The following DYM variants were observed in gnomAD, a reference collection of about 807,000 sequenced individuals.
DYM encodes the protein dyggve-Melchior-Clausen syndrome protein.
Under a neutral mutation model 93.1 loss-of-function variants are expected in DYM, and 78 were observed. The ratio of observed to expected loss-of-function variants is 0.84; its 90% CI spans 0.70 to 1.01. DYM has a LOEUF of 1.01. Among genes scored for constraint, DYM ranks in the 50% least tolerant of loss-of-function variants. The pLI, the probability that DYM is intolerant of heterozygous loss-of-function variation, is 0.00. For missense variants in DYM, 789 were observed against 845.0 expected (o/e 0.93, Z 0.82); for synonymous variants, 321 against 319.7 (o/e 1.00, Z -0.04).
At chr18:49,218,455 T>C (rs1258144067) in intron 13 of DYM, among the ~76,000 whole-genome samples, 1 of 152,142 alleles carries the variant, frequency 6.6e-6, no homozygotes, top group African/African-American at 2.4e-5. Flanking sequence ...AATATACATT[T>C]TTTTCAGCAC....
intron 17 of DYM, among the ~76,000 whole-genome samples, chr18:49,055,549 A>G (rs1599395379): frequency 1.3e-5 from 2 of 152,352 alleles, no homozygotes; most frequent in South Asian, 4.1e-4. Flanking sequence ...GTCTTCAAAG[A>G]TGATGATACT....
chr18:49,422,313 G>A (rs897776877), intron 2 of DYM, among the ~76,000 whole-genome samples: 1 of 152,186 alleles, frequency 6.6e-6, no homozygotes, highest in African/African-American at 2.4e-5. Context: ...TCTCTCGGCA[G>A]AAACTCTACA....
At chr18:49,430,164 C>T (rs555326424) in intron 2 of DYM, 91 bp downstream of exon 2, 1 of 1,203,782 alleles carries the variant, frequency 8.3e-7, no homozygotes, top group Non-Finnish European at 1.2e-6. Context: ...GATAGATAGA[C>T]AGAACATTTC....
At chr18:49,228,857 A>C (rs1460179194) in intron 13 of DYM, among the ~76,000 whole-genome samples, 1 of 152,148 alleles carries the variant, frequency 6.6e-6, no homozygotes, top group Non-Finnish European at 1.5e-5. Context: ...CATTCCTAGA[A>C]GGTGAAAACT....
At chr18:49,218,141 G>A (rs551460362) in intron 13 of DYM, among the ~76,000 whole-genome samples, 73 of 152,152 alleles carry the variant, frequency 4.8e-4, no homozygotes, top group Non-Finnish European at 7.2e-4. Context: ...ACCAACAAAG[G>A]TCAAAAGAGA....
At chr18:49,217,940 A>C (rs2093156255) in intron 13 of DYM, among the ~76,000 whole-genome samples, 2 of 152,230 alleles carry the variant, frequency 1.3e-5, no homozygotes, top group Non-Finnish European at 2.9e-5. Flanking sequence ...AAATGCTCCA[A>C]TTAAAAGACA....
At chr18:49,150,090 C>A (rs191316808) in intron 15 of DYM, among the ~76,000 whole-genome samples, 1 of 152,184 alleles carries the variant, frequency 6.6e-6, no homozygotes, top group East Asian at 1.9e-4. Flanking sequence ...TAACTTATAG[C>A]GCATTCATAA....
intron 13 of DYM, among the ~76,000 whole-genome samples, chr18:49,211,370 G>C (rs565248002): frequency 1.3e-5 from 2 of 152,136 alleles, no homozygotes; most frequent in Non-Finnish European, 2.9e-5. Flanking sequence ...CTAGAGAGAA[G>C]AGAATGTAAA....
intron 15 of DYM, among the ~76,000 whole-genome samples, chr18:49,148,774 A>T (rs908664606): frequency 6.6e-6 from 1 of 151,960 alleles, no homozygotes; most frequent in Non-Finnish European, 1.5e-5. Context: ...CAGCCCCATT[A>T]CCTTGTTAGG....
In DYM at chr18:49,080,150, C is replaced by CGGGG. The variant is rs749381960; in HGVS notation, c.2025+17248_2025+17251dup. 0.023 allele frequency among the ~76,000 whole-genome samples: 229 copies of CGGGG among 10,080 alleles called. 20 individuals are homozygous for CGGGG. The East Asian group carries it at 0.33, about 15-fold the overall frequency. 6.6% of individuals were successfully genotyped at this position (10,080 alleles called of 152,430 possible). On this transcript the variant is annotated intron_variant, in intron 17 of 17. Coordinates refer to ENST00000675505, the MANE Select transcript of DYM (RefSeq NM_001353214.3). The stretch of plus-strand genomic sequence containing the variant: ...CTCCCTCCCGGACGGGGCGGCTGGC[C>CGGGG]GGGGGGGGGCTGACCCCCCCACCTC...
intron 14 of DYM, among the ~76,000 whole-genome samples, chr18:49,199,050 A>T (rs1485115189): frequency 6.6e-6 from 1 of 152,238 alleles, no homozygotes; most frequent in Non-Finnish European, 1.5e-5. Context: ...ATGTGGCCAT[A>T]AAAAAGGATG....
Position 49,209,592 on chromosome 18 carries a change from C to T in DYM, c.1584G>A (p.Leu528=). The T allele has an allele frequency of 1.6e-6, 2 of 1,289,712 alleles. No homozygotes were observed. The highest frequency in any genetic ancestry group is 1.0e-6 in the Non-Finnish European group (1 of 988,850). The allele number at this position is 1,289,712 out of a possible 1,614,324, so 79.9% of individuals were successfully genotyped here. Residue 528 remains leucine, a synonymous_variant, in exon 14 of 18, where the codon TTG becomes TTA. Coordinates refer to ENST00000675505, the MANE Select transcript of DYM (RefSeq NM_001353214.3). ...TGAGAATGTGAGAGCAAGTTAAAGA[C>T]AAGAGTTCCTCTCCATTGTCACTGA... ...STLSDNGEEL[L]SLTCSHILRS... is the part of the protein sequence containing the mutation.
intron 13 of DYM, among the ~76,000 whole-genome samples, chr18:49,223,149 A>C (rs1366162194): frequency 1.3e-5 from 2 of 152,142 alleles, no homozygotes; most frequent in African/African-American, 4.8e-5. Context: ...GGACACAGGA[A>C]GATGCAAACA....
intron 8 of DYM, among the ~76,000 whole-genome samples, chr18:49,318,282 G>A (rs1220485890): frequency 2.0e-5 from 3 of 152,180 alleles, no homozygotes; most frequent in African/African-American, 7.2e-5. Flanking sequence ...ATGGGAAACT[G>A]AGAGAAGACA....
intron 13 of DYM, among the ~76,000 whole-genome samples, chr18:49,218,276 A>G (rs1334846935): frequency 6.6e-6 from 1 of 152,200 alleles, no homozygotes; most frequent in African/African-American, 2.4e-5. Flanking sequence ...GGACCTACAA[A>G]GAGACTTAGA....
At chr18:49,145,760 A>T (rs1338874198) in intron 15 of DYM, among the ~76,000 whole-genome samples, 3 of 152,144 alleles carry the variant, frequency 2.0e-5, no homozygotes, top group African/African-American at 7.2e-5. Flanking sequence ...ATTCTTACTG[A>T]TGGAGCTGTA....
intron 16 of DYM, among the ~76,000 whole-genome samples, chr18:49,108,061 G>A (rs1165287725): frequency 6.6e-6 from 1 of 151,968 alleles, no homozygotes; most frequent in Non-Finnish European, 1.5e-5. Context: ...CACCCAGTTC[G>A]AGCTTCCTGG....
intron 13 of DYM, among the ~76,000 whole-genome samples, chr18:49,249,704 A>G (rs188033456): frequency 4.3e-4 from 65 of 152,324 alleles, no homozygotes; most frequent in Admixed American, 8.5e-4. Context: ...ATGTGTCATC[A>G]TGAGTGCAGG....
chr18:49,246,969 A>G (rs2094185564), intron 13 of DYM, among the ~76,000 whole-genome samples: 1 of 152,222 alleles, frequency 6.6e-6, no homozygotes, highest in African/African-American at 2.4e-5. Flanking sequence ...TGTTTTGCAC[A>G]TCTTAAAAGC....
Sources: gnomAD v4.1 joint callset for allele counts (sites outside exome capture counted in the v4.1 genomes callset) on GRCh38, gnomAD v4.1.1 for gene constraint, MANE v1.5 for transcripts, NCBI Gene and HGNC (gene_info 2026-07-23, HGNC 2026-07-21) for gene names.